OLFM3: variants seen among roughly 807,000 people sequenced by gnomAD.
The protein encoded by OLFM3 is noelin-3.
OLFM3 carries 20 observed loss-of-function variants against 48.6 expected under a neutral mutation model. That is an observed-to-expected ratio of 0.41 (90% CI 0.29 to 0.60). The LOEUF (loss-of-function observed/expected upper bound fraction) is 0.60, where lower values mean the gene tolerates loss of function less well. OLFM3 is among the 20% of genes least tolerant of loss of function. The probability of loss-of-function intolerance (pLI) is 0.28; values close to 1 mark genes in which losing one functional copy is unlikely to be tolerated. For missense variants in OLFM3, 437 were observed against 544.3 expected (o/e 0.80, Z 1.96); for synonymous variants, 222 against 198.1 (o/e 1.12, Z -1.01).
intron 1 of OLFM3, among the ~76,000 whole-genome samples, chr1:101,927,515 A>C (rs1456224620): frequency 1.3e-5 from 2 of 151,934 alleles, no homozygotes; most frequent in African/African-American, 2.4e-5. Flanking sequence ...TAGCAGCACT[A>C]TGGAAAATTT....
At position 101,985,965 on chromosome 1, in the gene OLFM3, AT is replaced by A. The variant is rs397973710; in HGVS notation, c.69+10782del. On this transcript the variant is annotated intron_variant, in intron 1 of 5. Coordinates refer to ENST00000370103, the MANE Select transcript of OLFM3 (RefSeq NM_058170.4). Reference sequence around the variant, plus strand: ...AAAGAATGAAAAAATGATGAACTACATTTTTTTTTTTTTTTTTTGACACAGA... The same window carrying A: ...AAAGAATGAAAAAATGATGAACTACATTTTTTTTTTTTTTTTTGACACAGA... Among the ~76,000 whole-genome samples the A allele has an allele frequency of 8.3e-3, 1,116 of 134,862 alleles. 3 individuals carry two copies. The highest frequency in any genetic ancestry group is 0.01 in the African/African-American group (368 of 36,744). The allele number at this position is 134,862 out of a possible 152,430, so 88.5% of individuals were successfully genotyped here. A position where few individuals can be genotyped will look rare whatever the true frequency, so the allele number is the denominator to read the frequency against.
At chr1:101,876,132 G>T (rs1657290562) in intron 1 of OLFM3, among the ~76,000 whole-genome samples, 1 of 151,930 alleles carries the variant, frequency 6.6e-6, no homozygotes, top group South Asian at 2.1e-4. Context: ...GGACCTCTCT[G>T]TTTAAAATTT....
intron 1 of OLFM3, among the ~76,000 whole-genome samples, chr1:101,908,430 A>G (rs1452059558): frequency 4.6e-5 from 7 of 152,212 alleles, no homozygotes; most frequent in East Asian, 1.9e-4. Context: ...CACACCTTTT[A>G]TTGGAAAGGT....
chr1:101,805,723 GT>G (rs1273039603), intron 5 of OLFM3, among the ~76,000 whole-genome samples: 1 of 151,724 alleles, frequency 6.6e-6, no homozygotes, highest in Non-Finnish European at 1.5e-5. Flanking sequence ...TTTAGAAAGA[GT>G]AGGCAGGGAA....
intron 1 of OLFM3, among the ~76,000 whole-genome samples, chr1:101,953,289 G>A (rs1660198426): frequency 1.3e-5 from 2 of 152,008 alleles, no homozygotes; most frequent in African/African-American, 2.4e-5. Flanking sequence ...TTGGCTTGTG[G>A]GCATTCGTCC....
chr1:101,825,215 G>A lies in OLFM3; in HGVS notation c.403C>T (p.Pro135Ser). 1.2e-6 allele frequency: 2 copies of A among 1,613,922 alleles called. No homozygotes were observed. Among genetic ancestry groups the A allele is most frequent in the Middle Eastern group, 1.6e-4 (1 of 6,062 alleles). ...ELKEKMDELL[P>S]LIPVLEQYKT... ...TACTGTTCCAGCACGGGGATCAAAG[G>A]CAGGAGCTCGTCCATTTTCTCTTTC... Residue 135 changes from proline (P) to serine (S), a missense_variant, in exon 4 of 6, where the codon CCT (proline) becomes TCT (serine). By Grantham distance (74) the Pro-to-Ser change is moderately conservative. Coordinates refer to ENST00000370103, the MANE Select transcript of OLFM3 (RefSeq NM_058170.4).
At chr1:101,979,218 C>T (rs541655501) in intron 1 of OLFM3, among the ~76,000 whole-genome samples, 2 of 152,268 alleles carry the variant, frequency 1.3e-5, no homozygotes, top group South Asian at 4.2e-4. Flanking sequence ...TACAGTCCCA[C>T]CTGCTGTCTA....
rs138286167 is a variant in OLFM3 at position 101,833,992 on chromosome 1, A to T, written c.216+2887T>A. Among the ~76,000 whole-genome samples the T allele has an allele frequency of 1.5e-3, 235 of 152,364 alleles. 1 individual carries two copies. The highest frequency in any genetic ancestry group is 6.8e-3 in the Middle Eastern group (2 of 294). On this transcript the variant is annotated intron_variant, in intron 2 of 5. Transcript: ENST00000370103. ...TAATACAAGACATCTTTAACTGTACAGGGAAGCTACATAGTTAACAAACAA... is the reference window on the plus strand; with the variant it reads ...TAATACAAGACATCTTTAACTGTACTGGGAAGCTACATAGTTAACAAACAA...
chr1:101,940,543 G>GTATC lies in OLFM3; in HGVS notation c.69+56201_69+56204dup, dbSNP rs1334242517. ...ATATATCATCTGTCTATCTATCTAT[G>GTATC]TATCTATCTATCTATCATCTATCTA... On this transcript the variant is annotated intron_variant, in intron 1 of 5. Coordinates refer to ENST00000370103, the MANE Select transcript of OLFM3 (RefSeq NM_058170.4). Among the ~76,000 whole-genome samples, 150 of 150,936 alleles carry GTATC rather than the reference G, an allele frequency of 9.9e-4. 1 individual carries two copies. Among genetic ancestry groups the GTATC allele is most frequent in the African/African-American group, 3.4e-3 (140 of 41,164 alleles).
intron 4 of OLFM3, among the ~76,000 whole-genome samples, chr1:101,822,062 A>T (rs1322569890): frequency 6.6e-6 from 1 of 152,128 alleles, no homozygotes; most frequent in East Asian, 1.9e-4. Flanking sequence ...TAGGAAGAAT[A>T]AAAAGGATGA....
intron 1 of OLFM3, among the ~76,000 whole-genome samples, chr1:101,918,464 T>G (rs1658992889): frequency 6.6e-6 from 1 of 152,120 alleles, no homozygotes; most frequent in African/African-American, 2.4e-5. Flanking sequence ...GCTGCCTTCA[T>G]TTCTTGGTTT....
At position 101,939,216 on chromosome 1, in the gene OLFM3, A is replaced by ACGTCGCTT. The variant is rs1390487291; in HGVS notation, c.69+57524_69+57531dup. On this transcript the variant is annotated intron_variant, in intron 1 of 5. Transcript: ENST00000370103. ...CATAAGTTTTATTCCCCAGAAACTA[A>ACGTCGCTT]CGTCGCTTGCGTTTCTACTTGTTGT... Among the ~76,000 whole-genome samples, 3 of 152,206 alleles carry ACGTCGCTT rather than the reference A, an allele frequency of 2.0e-5. No homozygotes were observed. The East Asian group carries it at 5.8e-4, about 29-fold the overall frequency.
intron 1 of OLFM3, among the ~76,000 whole-genome samples, chr1:101,883,659 A>C (rs1238043330): frequency 1.3e-5 from 2 of 151,948 alleles, no homozygotes; most frequent in Non-Finnish European, 1.5e-5. Context: ...TTTTAGTATA[A>C]TTACCTGTCT....
chr1:101,832,680 T>G (rs1655219012), intron 2 of OLFM3, among the ~76,000 whole-genome samples: 1 of 152,232 alleles, frequency 6.6e-6, no homozygotes, highest in Non-Finnish European at 1.5e-5. Context: ...AAGTGTTCAG[T>G]GAATATTTAT....
intron 1 of OLFM3, among the ~76,000 whole-genome samples, chr1:101,873,879 A>C (rs1412249030): frequency 6.6e-6 from 1 of 151,914 alleles, no homozygotes; most frequent in African/African-American, 2.4e-5. Context: ...AACACTAATA[A>C]ATATTGACTT....
chr1:101,905,576 C>A (rs1219686317), intron 1 of OLFM3, among the ~76,000 whole-genome samples: 1 of 152,078 alleles, frequency 6.6e-6, no homozygotes, highest in Non-Finnish European at 1.5e-5. Context: ...AAGTAAATTT[C>A]TCAGTGGGGA....
intron 1 of OLFM3, among the ~76,000 whole-genome samples, chr1:101,891,759 T>G (rs1658008064): frequency 6.6e-6 from 1 of 152,166 alleles, no homozygotes; most frequent in Middle Eastern, 3.4e-3. Flanking sequence ...TGCAAAGCTA[T>G]CTACATTTAA....
At chr1:101,950,605 AT>A (rs984239017) in intron 1 of OLFM3, among the ~76,000 whole-genome samples, 112 of 146,238 alleles carry the variant, frequency 7.7e-4, no homozygotes, top group South Asian at 1.3e-3. Context: ...CTCCCGGCTA[AT>A]TTTTTTTTTT....
intron 1 of OLFM3, among the ~76,000 whole-genome samples, chr1:101,986,090 C>A (rs1288684646): frequency 3.3e-5 from 5 of 151,666 alleles, no homozygotes; most frequent in Non-Finnish European, 7.4e-5. Context: ...CTCAGCCTCC[C>A]GAGTAGCTGG....
Sources: gnomAD v4.1 joint callset for allele counts (sites outside exome capture counted in the v4.1 genomes callset) on GRCh38, gnomAD v4.1.1 for gene constraint, MANE v1.5 for transcripts, NCBI Gene and HGNC (gene_info 2026-07-23, HGNC 2026-07-21) for gene names.